NCS1: variants seen among roughly 807,000 people sequenced by gnomAD.
The protein encoded by NCS1 is frequenin homolog.
In NCS1, 6 loss-of-function variants were observed where a neutral mutation model predicts 28.4. The observed-to-expected ratio is 0.21, with a 90% CI of 0.12 to 0.42. The LOEUF (loss-of-function observed/expected upper bound fraction) is 0.42. Among genes scored for constraint, NCS1 ranks in the 10% least tolerant of loss-of-function variants. The pLI is 1.00. For synonymous variants in NCS1, 86 were observed against 99.3 expected (o/e 0.87, Z 0.79); for missense variants, 131 against 241.4 (o/e 0.54, Z 3.03).
intron 2 of NCS1, among the ~76,000 whole-genome samples, chr9:130,203,632 G>A (rs1330044804): frequency 6.6e-6 from 1 of 152,174 alleles, no homozygotes; most frequent in African/African-American, 2.4e-5. Context: ...GGGGTCTCAG[G>A]GGACTGGGGG....
intron 1 of NCS1, among the ~76,000 whole-genome samples, chr9:130,178,732 GA>G (rs1832610418): frequency 6.6e-6 from 1 of 151,930 alleles, no homozygotes; most frequent in African/African-American, 2.4e-5. Flanking sequence ...GGGTGGTAAT[GA>G]GACCGAAGGT....
intron 1 of NCS1, chr9:130,200,717 C>G (rs1437587137): frequency 3.0e-5 from 45 of 1,509,340 alleles, no homozygotes; most frequent in Non-Finnish European, 4.0e-5. Context: ...GTGGCAGTGG[C>G]AGGTAGCACT....
Position 130,223,062 on chromosome 9 carries a change from C to G in NCS1, c.397-20C>G, listed in dbSNP as rs781788403. On this transcript the variant is annotated intron_variant, in intron 5 of 7. Coordinates refer to ENST00000372398, the MANE Select transcript of NCS1 (RefSeq NM_014286.4). ...AGCCCAGAGTGCCAGGGCCCACCCCCGCCTTGTCCGTCCCTGCAGGGGAAT... is the reference window on the plus strand; with the variant it reads ...AGCCCAGAGTGCCAGGGCCCACCCCGGCCTTGTCCGTCCCTGCAGGGGAAT... 2 of 1,608,938 alleles carry G rather than the reference C, an allele frequency of 1.2e-6. No individual in the cohort carries two copies. Among genetic ancestry groups the G allele is most frequent in the Admixed American group, 1.7e-5 (1 of 59,962 alleles).
In NCS1 at chr9:130,215,959, A is replaced by G. The variant is rs1408685658; in HGVS notation, c.90-1873A>G. 6.6e-6 allele frequency among the ~76,000 whole-genome samples: 1 copy of G among 151,252 alleles called. No homozygotes were observed. Among genetic ancestry groups the G allele is most frequent in the Non-Finnish European group, 1.5e-5 (1 of 67,810 alleles). On this transcript the variant is annotated intron_variant, in intron 2 of 7. Coordinates refer to ENST00000372398, the MANE Select transcript of NCS1 (RefSeq NM_014286.4). The surrounding 1 kb of genome is among the most constrained non-coding windows in gnomAD (Gnocchi z 4.2). ...CTCCCCCATCCTCCTCCTCCCCTCA[A>G]CCGCCCTCACTCCGGCAGCAGCAGC...
rs1832582365 is a variant in NCS1, at chr9:130,177,077, C to G, written c.64+4350C>G. 6.6e-6 allele frequency among the ~76,000 whole-genome samples: 1 copy of G among 152,206 alleles called. No homozygotes were observed. On this transcript the variant is annotated intron_variant, in intron 1 of 7. Coordinates refer to ENST00000372398, the MANE Select transcript of NCS1 (RefSeq NM_014286.4). The surrounding 1 kb of genome is among the most constrained non-coding windows in gnomAD (Gnocchi z 4.4). ...CTCTGCCTTGACCTTGCCTGCCAAC[C>G]TTGACTCTCCTCTGCCTTTTCCCTA...
At chr9:130,213,631 G>T (rs1833144177) in intron 2 of NCS1, among the ~76,000 whole-genome samples, 1 of 151,238 alleles carries the variant, frequency 6.6e-6, no homozygotes, top group Non-Finnish European at 1.5e-5. Flanking sequence ...TATCGCCCAG[G>T]CTGGAGTGCA....
intron 2 of NCS1, among the ~76,000 whole-genome samples, chr9:130,207,526 T>G (rs185385184): frequency 5.3e-5 from 8 of 152,264 alleles, no homozygotes; most frequent in African/African-American, 1.9e-4. Flanking sequence ...AGAGAGGAGG[T>G]CCCTGTCTGT....
Position 130,200,865 on chromosome 9 carries a change from A to G in NCS1, c.65-93A>G, listed in dbSNP as rs1832936696. 6.5e-6 allele frequency: 10 copies of G among 1,537,586 alleles called. No homozygotes were observed. The South Asian group carries it at 1.1e-4, about 17-fold the overall frequency. On this transcript the variant is annotated intron_variant, in intron 1 of 7. Coordinates refer to ENST00000372398, the MANE Select transcript of NCS1 (RefSeq NM_014286.4). ...CCGGGGACATGGCCGTGGGGAGGGG[A>G]GGGCTGGAGGGGAGGCCCCCCAGCG...
chr9:130,203,913 C>T (rs1010595805), intron 2 of NCS1, among the ~76,000 whole-genome samples: 1 of 152,222 alleles, frequency 6.6e-6, no homozygotes. Context: ...TCTCCTGGAG[C>T]CGCAGACAGC....
At position 130,236,302 on chromosome 9, in the gene NCS1, A is replaced by C. The variant is rs1242909453; in HGVS notation, c.*3330A>C. Reference sequence around the variant, plus strand: ...CGGTTTCAGCATTTAATTTTAAGGGAGCTAAGGAAGCGCGGCGCGCCCCCT... The same window carrying C: ...CGGTTTCAGCATTTAATTTTAAGGGCGCTAAGGAAGCGCGGCGCGCCCCCT... On this transcript the variant is annotated 3_prime_UTR_variant, in exon 8 of 8. Transcript: ENST00000372398. 6.6e-6 allele frequency: 1 copy of C among 151,974 alleles called. No homozygotes were observed. The highest frequency in any genetic ancestry group is 1.5e-5 in the Non-Finnish European group (1 of 67,994). The allele number at this position is 151,974 out of a possible 1,614,324, so 9.4% of individuals were successfully genotyped here. A position where few individuals can be genotyped will look rare whatever the true frequency, so the allele number is the denominator to read the frequency against.
At chr9:130,193,224 A>G (rs1210643215) in intron 1 of NCS1, among the ~76,000 whole-genome samples, 1 of 152,122 alleles carries the variant, frequency 6.6e-6, no homozygotes, top group Admixed American at 6.5e-5. Context: ...TGCAGGGAGA[A>G]CACAGCTGCG....
intron 1 of NCS1, among the ~76,000 whole-genome samples, chr9:130,190,032 A>AAGAGAGAGAGAGAGAGAGAGAG (rs34529294): frequency 7.8e-4 from 94 of 120,498 alleles, no homozygotes; most frequent in Middle Eastern, 8.1e-3. Context: ...ATGTTTATGC[A>AAGAGAGAGAGAGAGAGAGAGAG]AGAGAGAGAG....
chr9:130,206,612 G>A (rs782622635), intron 2 of NCS1, among the ~76,000 whole-genome samples: 73 of 152,030 alleles, frequency 4.8e-4, no homozygotes, highest in African/African-American at 1.6e-3. Flanking sequence ...ATTTCACCAC[G>A]CTGGCCAGGC....
At chr9:130,195,349 A>G (rs1452128934) in intron 1 of NCS1, among the ~76,000 whole-genome samples, 1 of 152,002 alleles carries the variant, frequency 6.6e-6, no homozygotes, top group African/African-American at 2.4e-5. Flanking sequence ...CCATGGGAAG[A>G]CAGACCTCAT....
chr9:130,200,531 C>T, intron 1 of NCS1: 4 of 1,549,200 alleles, frequency 2.6e-6, no homozygotes, highest in Non-Finnish European at 3.5e-6. Flanking sequence ...CACCCCCCCA[C>T]ATAGGTGGGG....
chr9:130,182,822 G>A (rs1286251485), intron 1 of NCS1, among the ~76,000 whole-genome samples: 1 of 152,250 alleles, frequency 6.6e-6, no homozygotes, highest in African/African-American at 2.4e-5. Flanking sequence ...AGTGCCCCTG[G>A]CCATCCTGCC....
At chr9:130,220,265 T>G (rs1395840265) in intron 4 of NCS1, among the ~76,000 whole-genome samples, 1 of 152,208 alleles carries the variant, frequency 6.6e-6, no homozygotes, top group African/African-American at 2.4e-5. Flanking sequence ...GTCATTCACT[T>G]ACTCACTCAT....
At chr9:130,173,678 G>A (rs1554904333) in intron 1 of NCS1, among the ~76,000 whole-genome samples, 1 of 152,182 alleles carries the variant, frequency 6.6e-6, no homozygotes, top group Non-Finnish European at 1.5e-5. Context: ...GTGGTTCTGG[G>A]CTTGGGTTGG....
intron 4 of NCS1, among the ~76,000 whole-genome samples, chr9:130,220,291 C>G (rs1833258496): frequency 6.6e-6 from 1 of 152,164 alleles, no homozygotes; most frequent in African/African-American, 2.4e-5. Flanking sequence ...GACCAAATAA[C>G]GACTGAATGC....
Sources: allele counts gnomAD v4.1 joint callset (sites outside exome capture counted in the v4.1 genomes callset), GRCh38; gene constraint gnomAD v4.1.1; non-coding constraint Gnocchi (gnomAD v3.1); transcripts MANE v1.5; gene names NCBI Gene and HGNC (gene_info 2026-07-23, HGNC 2026-07-21).